The following TSHR variants were observed in gnomAD, a reference collection of about 807,000 sequenced individuals.
TSHR encodes the protein thyrotropin receptor.
TSHR carries 51 observed loss-of-function variants against 64.1 expected under a neutral mutation model. That is an observed-to-expected ratio of 0.80 (90% confidence interval 0.64 to 1.01). TSHR has a LOEUF of 1.01. Ranked by LOEUF, TSHR falls within the 50% of genes least tolerant of loss-of-function variation. The pLI is 0.00. For missense variants in TSHR, 877 were observed against 942.8 expected (o/e 0.93, Z 0.91); for synonymous variants, 361 against 361.9 (o/e 1.00, Z 0.03).
chr14:81,081,232 A>G lies in TSHR; in HGVS notation c.318-6722A>G, dbSNP rs552477959. Among the ~76,000 whole-genome samples, 17 of 152,294 alleles carry G rather than the reference A, an allele frequency of 1.1e-4. No individual in the cohort carries two copies. In the South Asian group the frequency reaches 3.5e-3, roughly 32 times the overall value. On this transcript the variant is annotated intron_variant, in intron 3 of 9. Coordinates refer to ENST00000298171, the MANE Select transcript of TSHR (RefSeq NM_000369.5). ...TATAGACAATTTAATCACATAAGAA[A>G]AGCTTTTGTCATTATGTTATTTAAA...
intron 1 of TSHR, among the ~76,000 whole-genome samples, chr14:80,990,587 G>A (rs1266061367): frequency 6.6e-6 from 1 of 152,074 alleles, no homozygotes; most frequent in Non-Finnish European, 1.5e-5. Flanking sequence ...TTCCTATTTT[G>A]GTTTTTGAAA....
chr14:81,105,170 T>C, intron 7 of TSHR: 1 of 985,370 alleles, frequency 1.0e-6, no homozygotes, highest in Non-Finnish European at 1.2e-6. Context: ...TCCAAGCTGG[T>C]TACAAATGTG....
intron 7 of TSHR, 81 bp downstream of exon 7, chr14:81,096,788 T>G (rs1316536436): frequency 4.1e-6 from 6 of 1,456,456 alleles, no homozygotes; most frequent in Non-Finnish European, 5.7e-6. Context: ...TGTTGAGAGA[T>G]AGGTTCTACC....
At chr14:81,139,468 G>C (rs1428976184) in intron 8 of TSHR, among the ~76,000 whole-genome samples, 1 of 152,166 alleles carries the variant, frequency 6.6e-6, no homozygotes, top group African/African-American at 2.4e-5. Context: ...TGTACTACTG[G>C]ATACTGGAAT....
chr14:81,008,275 C>A (rs113137098), intron 1 of TSHR, among the ~76,000 whole-genome samples: 16,702 of 151,920 alleles, frequency 0.11, 1,265 homozygotes, highest in Admixed American at 0.19. Context: ...CGGGTTCACG[C>A]CATTCTTCTG....
chr14:81,040,276 A>C (rs1380560514), intron 1 of TSHR, among the ~76,000 whole-genome samples: 1 of 152,026 alleles, frequency 6.6e-6, no homozygotes, highest in East Asian at 1.9e-4. Context: ...CAGAAGAATG[A>C]AAGTAGACCC....
intron 1 of TSHR, among the ~76,000 whole-genome samples, chr14:80,987,597 C>A (rs1417865750): frequency 6.6e-6 from 1 of 152,230 alleles, no homozygotes; most frequent in Non-Finnish European, 1.5e-5. Context: ...TCACGCAGCT[C>A]TGAAAGCTCT....
chr14:81,130,381 A>C (rs181761502), intron 8 of TSHR, among the ~76,000 whole-genome samples: 32 of 152,170 alleles, frequency 2.1e-4, no homozygotes, highest in Non-Finnish European at 3.1e-4. Flanking sequence ...TACTTATTTC[A>C]GAGGCATTTG....
intron 1 of TSHR, among the ~76,000 whole-genome samples, chr14:80,977,823 A>G (rs558065698): frequency 1.4e-3 from 217 of 152,318 alleles, no homozygotes; most frequent in Middle Eastern, 6.8e-3. Flanking sequence ...AATAAATCAC[A>G]GCTTATTTGT....
chr14:80,981,369 A>G (rs1378291056), intron 1 of TSHR, among the ~76,000 whole-genome samples: 1 of 152,178 alleles, frequency 6.6e-6, no homozygotes, highest in Non-Finnish European at 1.5e-5. Flanking sequence ...CAGTGGCGTC[A>G]GGAGCAGGAC....
At chr14:81,116,573 T>A (rs1463510808) in intron 8 of TSHR, among the ~76,000 whole-genome samples, 14 of 138,964 alleles carry the variant, frequency 1.0e-4, no homozygotes, top group African/African-American at 3.2e-4. Context: ...CTCCCACACA[T>A]TAATAATGGG....
At chr14:81,020,106 TA>T (rs1883663592) in intron 1 of TSHR, among the ~76,000 whole-genome samples, 1 of 147,488 alleles carries the variant, frequency 6.8e-6, no homozygotes, top group Non-Finnish European at 1.5e-5. Context: ...ATATATTTAT[TA>T]AACATATGTG....
rs1426749313 is a variant in TSHR at position 81,072,946 on chromosome 14, G to A, written c.317+4618G>A. Among the ~76,000 whole-genome samples the A allele has an allele frequency of 1.3e-4, 14 of 110,704 alleles. No homozygotes were observed. In the Admixed American group the frequency reaches 1.4e-3, roughly 11 times the overall value. The allele number at this position is 110,704 out of a possible 152,430, so 72.6% of individuals were successfully genotyped here. A position where few individuals can be genotyped will look rare whatever the true frequency, so the allele number is the denominator to read the frequency against. ...CGGGAGGCGGAGCTTGCAGTGAGCC[G>A]AGATCCCGCCACTGCACTCCAGCCT... is the stretch of plus-strand genomic sequence containing the variant. On this transcript the variant is annotated intron_variant, in intron 3 of 9. Transcript: ENST00000298171.
chr14:81,052,314 A>C (rs756110479), intron 1 of TSHR: 1 of 152,152 alleles, frequency 6.6e-6, no homozygotes, highest in Non-Finnish European at 1.5e-5. Context: ...TTCTTTCCTC[A>C]TTGTGTGTTC....
chr14:80,964,519 G>A (rs779840835), intron 1 of TSHR, among the ~76,000 whole-genome samples: 1 of 152,160 alleles, frequency 6.6e-6, no homozygotes, highest in Non-Finnish European at 1.5e-5. Context: ...AGTGTTTCCT[G>A]GTTATACAAA....
Position 80,955,734 on chromosome 14 carries a change from C to T in TSHR, c.54C>T (p.Asp18=), listed in dbSNP as rs2139669436. 6.2e-7 allele frequency: 1 copy of T among 1,614,134 alleles called. No homozygotes were observed. Among genetic ancestry groups the T allele is most frequent in the African/African-American group, 1.3e-5 (1 of 75,052 alleles). ...TGCTGCTGCTCGACCTGCCCAGGGA[C>T]CTGGGCGGAATGGGGTGTTCGTCTC... ...QLVLLLDLPR[D]LGGMGCSSPP... is the part of the protein sequence containing the mutation. Residue 18 remains aspartate, a synonymous_variant, in exon 1 of 10, where the codon GAC becomes GAT. Transcript: ENST00000298171.
intron 1 of TSHR, chr14:80,982,084 T>C: frequency 2.0e-6 from 1 of 512,674 alleles, no homozygotes; most frequent in South Asian, 2.3e-5. Flanking sequence ...GCTACGGGTG[T>C]GGTTAGGCCT....
chr14:81,088,127 G>A (rs1888429848), intron 4 of TSHR, 99 bp downstream of exon 4: 7 of 1,001,212 alleles, frequency 7.0e-6, no homozygotes, highest in South Asian at 1.3e-5. Context: ...TGTGGTCCAG[G>A]TTCATTTTAA....
chr14:81,097,176 A>C (rs1297908485), intron 7 of TSHR, among the ~76,000 whole-genome samples: 2 of 152,042 alleles, frequency 1.3e-5, no homozygotes, highest in Admixed American at 1.3e-4. Flanking sequence ...CAAACAATAG[A>C]CTTTGTGTTT....
Sources: gnomAD v4.1 joint callset for allele counts (sites outside exome capture counted in the v4.1 genomes callset) on GRCh38, gnomAD v4.1.1 for gene constraint, MANE v1.5 for transcripts, NCBI Gene and HGNC (gene_info 2026-07-23, HGNC 2026-07-21) for gene names.